The following PTBP2 variants were observed in gnomAD, a reference collection of about 807,000 sequenced individuals.
The protein encoded by PTBP2 is polypyrimidine tract binding protein 2, also known as polypyrimidine tract-binding protein 2.
PTBP2 carries 13 observed loss-of-function variants against 61.4 expected under a neutral mutation model. The ratio of observed to expected loss-of-function variants is 0.21; its 90% CI spans 0.14 to 0.34. The LOEUF is 0.34. PTBP2 is among the 10% of genes least tolerant of loss of function. The probability of loss-of-function intolerance (pLI) is 1.00; values close to 1 mark genes in which losing one functional copy is unlikely to be tolerated. For synonymous variants in PTBP2, 215 were observed against 218.5 expected (o/e 0.98, Z 0.14); for missense variants, 405 against 642.6 (o/e 0.63, Z 4.00).
At chr1:96,740,688 A>G (rs1652880235) in intron 2 of PTBP2, among the ~76,000 whole-genome samples, 1 of 152,078 alleles carries the variant, frequency 6.6e-6, no homozygotes, top group Admixed American at 6.5e-5. Context: ...CTTAAGCAAT[A>G]TATGGTTTTG....
exon 14 of PTBP2, chr1:96,820,521 G>C (rs902307892): frequency 7.0e-6 from 1 of 142,630 alleles, no homozygotes; most frequent in Non-Finnish European, 1.5e-5. Context: ...TATATATATG[G>C]TGTGCACACA....
chr1:96,796,745 AAGCCTAAGCTTG>A lies in PTBP2; in HGVS notation c.905-8041_905-8030del, dbSNP rs549446507. On this transcript the variant is annotated intron_variant, in intron 8 of 13. Transcript: ENST00000674951. The stretch of plus-strand genomic sequence containing the variant: ...TAGCAAATGAGCAGAGTGTTGGCTC[AAGCCTAAGCTTG>A]AGCCTAAGCTTGACTCTATGGTAAA... Among the ~76,000 whole-genome samples, 261 of 151,924 alleles carry A rather than the reference AAGCCTAAGCTTG, an allele frequency of 1.7e-3. 2 individuals are homozygous for A. The highest frequency in any genetic ancestry group is 6.0e-3 in the African/African-American group (248 of 41,506).
At position 96,777,829 on chromosome 1, in the gene PTBP2, T is replaced by G; in HGVS notation, c.598-7T>G. Reference sequence around the variant, plus strand: ...TAAGTAATGTTTTGATTTTAATGTTTTAACAGATATTTTCTAAGTTTGGTG... The same window carrying G: ...TAAGTAATGTTTTGATTTTAATGTTGTAACAGATATTTTCTAAGTTTGGTG... On this transcript the variant is annotated splice_region_variant and splice_polypyrimidine_tract_variant and intron_variant, in intron 6 of 13. Coordinates refer to ENST00000674951, the MANE Select transcript of PTBP2 (RefSeq NM_021190.4). 6.5e-7 allele frequency: 1 copy of G among 1,549,530 alleles called. No homozygotes were observed. The highest frequency in any genetic ancestry group is 8.8e-7 in the Non-Finnish European group (1 of 1,139,990).
chr1:96,791,001 C>T (rs995607738), intron 8 of PTBP2, among the ~76,000 whole-genome samples: 3 of 127,354 alleles, frequency 2.4e-5, no homozygotes, highest in Non-Finnish European at 4.9e-5. Flanking sequence ...TCACTTTTCT[C>T]GTATACATAA....
intron 2 of PTBP2, among the ~76,000 whole-genome samples, chr1:96,726,456 G>A (rs1450347579): frequency 7.7e-6 from 1 of 130,292 alleles, no homozygotes; most frequent in African/African-American, 3.0e-5. Flanking sequence ...TTTTTTTTTC[G>A]AGACGGAGTC....
intron 3 of PTBP2, among the ~76,000 whole-genome samples, chr1:96,765,431 G>T (rs1656571593): frequency 6.6e-6 from 1 of 152,146 alleles, no homozygotes. Flanking sequence ...GAGAAAGTAG[G>T]CCAGGTGCTG....
chr1:96,823,658 C>T (rs1214299944), exon 14 of PTBP2: 1 of 152,136 alleles, frequency 6.6e-6, no homozygotes, highest in East Asian at 1.9e-4. Flanking sequence ...ATTCACCATA[C>T]ATTACTACCT....
chr1:96,763,469 TCGGCAGG>T (rs1056521925), intron 3 of PTBP2, among the ~76,000 whole-genome samples: 9 of 146,780 alleles, frequency 6.1e-5, no homozygotes, highest in Admixed American at 6.8e-5. Flanking sequence ...TAGCAGGCAC[TCGGCAGG>T]CTGAGGCAGG....
intron 8 of PTBP2, among the ~76,000 whole-genome samples, chr1:96,793,157 T>C (rs558138258): frequency 6.6e-5 from 10 of 152,344 alleles, no homozygotes; most frequent in African/African-American, 2.4e-4. Context: ...TCATGTGTTT[T>C]AATATCTAAG....
At chr1:96,818,720 G>A (rs148748143), downstream of PTBP2, 20 of 152,112 alleles carry the variant, frequency 1.3e-4, no homozygotes, top group East Asian at 3.9e-3. Flanking sequence ...TTTCCTGAGT[G>A]TGGAAATTAT....
At chr1:96,810,330 C>G (rs899670893) in intron 11 of PTBP2, among the ~76,000 whole-genome samples, 1 of 152,080 alleles carries the variant, frequency 6.6e-6, no homozygotes, top group Non-Finnish European at 1.5e-5. Context: ...ATTAGTAATT[C>G]AGGTAATTTC....
chr1:96,769,884 C>A lies in PTBP2; in HGVS notation c.288+9C>A. The A allele has an allele frequency of 6.4e-7, 1 of 1,571,720 alleles. No homozygotes were observed. The highest frequency in any genetic ancestry group is 8.6e-7 in the Non-Finnish European group (1 of 1,160,678). ...TGAAAGGAAAAAATCAGGTACACTTCTTTCAGGGTTTATGAAATGTTAAAC... is the reference window on the plus strand; with the variant it reads ...TGAAAGGAAAAAATCAGGTACACTTATTTCAGGGTTTATGAAATGTTAAAC... On this transcript the variant is annotated intron_variant, in intron 4 of 13. Coordinates refer to ENST00000674951, the MANE Select transcript of PTBP2 (RefSeq NM_021190.4).
intron 2 of PTBP2, among the ~76,000 whole-genome samples, chr1:96,734,202 A>G (rs1028083478): frequency 6.6e-6 from 1 of 152,158 alleles, no homozygotes; most frequent in African/African-American, 2.4e-5. Context: ...CCCCAAAACC[A>G]TTAGTAACCC....
intron 1 of PTBP2, among the ~76,000 whole-genome samples, chr1:96,722,920 A>G (rs1221504088): frequency 6.6e-6 from 1 of 152,224 alleles, no homozygotes; most frequent in Non-Finnish European, 1.5e-5. Flanking sequence ...AAAATACAGC[A>G]GTATGCAGCT....
At chr1:96,791,839 T>TTTTTTTTG (rs1570963361) in intron 8 of PTBP2, among the ~76,000 whole-genome samples, 1 of 138,184 alleles carries the variant, frequency 7.2e-6, no homozygotes, top group Non-Finnish European at 1.6e-5. Flanking sequence ...TTTTTTTTTT[T>TTTTTTTTG]TTTTTTTTTT....
At chr1:96,768,387 A>C (rs1039080322) in intron 3 of PTBP2, among the ~76,000 whole-genome samples, 2 of 152,092 alleles carry the variant, frequency 1.3e-5, no homozygotes, top group African/African-American at 4.8e-5. Flanking sequence ...GATGTTGTTG[A>C]ACATACACAA....
chr1:96,769,889 A>G lies in PTBP2; in HGVS notation c.288+14A>G. ...GGAAAAAATCAGGTACACTTCTTTC[A>G]GGGTTTATGAAATGTTAAACCCCAA... is the stretch of plus-strand genomic sequence containing the variant. On this transcript the variant is annotated intron_variant, in intron 4 of 13. Transcript: ENST00000674951. 1 of 1,567,650 alleles carries G rather than the reference A, an allele frequency of 6.4e-7. No individual in the cohort carries two copies. The highest frequency in any genetic ancestry group is 1.2e-5 in the South Asian group (1 of 83,082).
chr1:96,823,013 T>C (rs1472125805), exon 14 of PTBP2: 1 of 150,910 alleles, frequency 6.6e-6, no homozygotes, highest in African/African-American at 2.4e-5. Context: ...CAGGCCGGAG[T>C]GCAACAGTGT....
chr1:96,723,413 C>G, intron 1 of PTBP2, 151 bp from the exon 2 acceptor site: 1 of 547,186 alleles, frequency 1.8e-6, no homozygotes, highest in Non-Finnish European at 3.2e-6. Context: ...ACAGGTAAGT[C>G]ACGGATCATC....
Sources: allele counts gnomAD v4.1 joint callset (sites outside exome capture counted in the v4.1 genomes callset), GRCh38; gene constraint gnomAD v4.1.1; transcripts MANE v1.5; gene names NCBI Gene and HGNC (gene_info 2026-07-23, HGNC 2026-07-21).